Variants in MMEL1 observed in about 807,000 individuals in gnomAD.
MMEL1 encodes membrane metalloendopeptidase like 1, also known as membrane metallo-endopeptidase-like 1.
A neutral mutation model predicts 117.1 loss-of-function variants in MMEL1; 98 were observed. The observed-to-expected ratio is 0.84, with a 90% CI of 0.71 to 0.99. The LOEUF (loss-of-function observed/expected upper bound fraction) is 0.99, where lower values mean the gene tolerates loss of function less well. Among genes scored for constraint, MMEL1 ranks in the 50% least tolerant of loss-of-function variants. The pLI is 0.00. For synonymous variants in MMEL1, 390 were observed against 415.1 expected, an observed-to-expected ratio of 0.94 and a Z score of 0.74; for missense variants, 1,014 against 1,049.1, an observed-to-expected ratio of 0.97 and a Z score of 0.46.
At chr1:2,594,750 T>C (rs1488836554) in intron 17 of MMEL1, 40 bp downstream of exon 17, 5 of 1,485,052 alleles carry the variant, frequency 3.4e-6, no homozygotes, top group Middle Eastern at 1.8e-4. Flanking sequence ...GGCCACTCCC[T>C]GGCCCCCCCC....
chr1:2,593,759 G>A (rs1570647218), intron 19 of MMEL1, 55 bp downstream of exon 19: 2 of 1,515,542 alleles, frequency 1.3e-6, no homozygotes, highest in Non-Finnish European at 1.8e-6. Flanking sequence ...CCCCTTCCTG[G>A]CTGCTTCTCC....
chr1:2,614,298 G>A (rs1570695652), intron 2 of MMEL1, among the ~76,000 whole-genome samples: 2 of 152,242 alleles, frequency 1.3e-5, no homozygotes, highest in East Asian at 3.8e-4. Context: ...AGTAACTTTA[G>A]AAATGAGTAG....
chr1:2,609,615 C>T, intron 5 of MMEL1, 55 bp downstream of exon 5: 2 of 1,564,408 alleles, frequency 1.3e-6, no homozygotes, highest in Non-Finnish European at 1.7e-6. Flanking sequence ...AACTCCTGGC[C>T]CGGTGCTGTC....
chr1:2,594,582 C>T (rs1644800803), intron 17 of MMEL1, 139 bp from the exon 18 acceptor site: 4 of 1,150,286 alleles, frequency 3.5e-6, no homozygotes, highest in Non-Finnish European at 5.1e-6. Context: ...TGGTTCCTTC[C>T]TGGGGTCCCT....
In MMEL1 at chr1:2,594,371, G is replaced by T. The variant is rs772803345; in HGVS notation, c.1747+14C>A. ...CCAAAGGGCCTGGGCAGGCAGGGAG[G>T]GGGAGGAACTTACCAATCTGGTTTC... On this transcript the variant is annotated intron_variant, in intron 18 of 23. Coordinates refer to ENST00000378412, the MANE Select transcript of MMEL1 (RefSeq NM_033467.4). 3.2e-6 allele frequency: 5 copies of T among 1,551,650 alleles called. No individual in the cohort carries two copies. The highest frequency in any genetic ancestry group is 2.7e-5 in the African/African-American group (2 of 73,076).
intron 2 of MMEL1, among the ~76,000 whole-genome samples, chr1:2,626,589 A>G (rs917408336): frequency 2.5e-4 from 38 of 152,394 alleles, no homozygotes; most frequent in African/African-American, 8.9e-4. Flanking sequence ...GATTTGGCCT[A>G]TGGGCCATAG....
intron 2 of MMEL1, among the ~76,000 whole-genome samples, chr1:2,623,753 C>T (rs1294198889): frequency 6.6e-6 from 1 of 152,178 alleles, no homozygotes; most frequent in Non-Finnish European, 1.5e-5. Context: ...AGAGAGCCTC[C>T]CTTGGTGGCC....
intron 2 of MMEL1, among the ~76,000 whole-genome samples, chr1:2,628,944 C>G (rs1638401769): frequency 6.6e-6 from 1 of 150,510 alleles, no homozygotes; most frequent in South Asian, 2.1e-4. Context: ...GCCGGTGGTC[C>G]CCAGCCGGGG....
intron 2 of MMEL1, among the ~76,000 whole-genome samples, chr1:2,624,174 A>G (rs1197879976): frequency 6.6e-6 from 1 of 152,182 alleles, no homozygotes; most frequent in African/African-American, 2.4e-5. Flanking sequence ...AGCAACAGCA[A>G]CTCACCACTC....
rs376764656 is a variant in MMEL1, at chr1:2,591,923, G to A, written c.2163+9C>T. The A allele has an allele frequency of 1.3e-4, 214 of 1,612,396 alleles. No homozygotes were observed. The African/African-American group carries it at 2.0e-3, about 15-fold the overall frequency. On this transcript the variant is annotated intron_variant, in intron 22 of 23. Transcript: ENST00000378412. ...ATGGGGATGGTGGGACCAGGACTGC[G>A]GCTGCCACCTGGGCATAGTTGATGA...
chr1:2,621,572 A>ATTTTT (rs76715186), intron 2 of MMEL1, among the ~76,000 whole-genome samples: 1 of 145,850 alleles, frequency 6.9e-6, no homozygotes, highest in Non-Finnish European at 1.5e-5. Context: ...ACCAATGCAC[A>ATTTTT]TTTTTTTTTT....
chr1:2,591,695 G>A, intron 22 of MMEL1, 62 bp from the exon 23 acceptor site: 2 of 1,031,582 alleles, frequency 1.9e-6, no homozygotes, highest in Admixed American at 1.7e-5. Flanking sequence ...AGGGGTGGGG[G>A]AGGGTCTCCA....
At chr1:2,631,380 C>T (rs1370291363) in intron 1 of MMEL1, among the ~76,000 whole-genome samples, 1 of 152,052 alleles carries the variant, frequency 6.6e-6, no homozygotes, top group Non-Finnish European at 1.5e-5. Flanking sequence ...AATGTGCTTC[C>T]GCCCCCCTGT....
chr1:2,606,815 C>G (rs1266633539), intron 7 of MMEL1, among the ~76,000 whole-genome samples, 159 bp downstream of exon 7: 2 of 152,156 alleles, frequency 1.3e-5, no homozygotes, highest in Non-Finnish European at 2.9e-5. Context: ...CTCCCAGGAC[C>G]CTGAGGTTGC....
chr1:2,619,877 G>A (rs993170273), intron 2 of MMEL1, among the ~76,000 whole-genome samples: 7 of 152,070 alleles, frequency 4.6e-5, no homozygotes, highest in Admixed American at 3.3e-4. Context: ...CCAGAATGCA[G>A]GAGAAAGTCA....
At chr1:2,598,325 G>C (rs1468601586) in intron 12 of MMEL1, 25 bp from the exon 13 acceptor site, 1 of 1,607,620 alleles carries the variant, frequency 6.2e-7, no homozygotes, top group South Asian at 1.1e-5. Flanking sequence ...TAGAGGGTGA[G>C]GGGAGAACAG....
intron 11 of MMEL1, among the ~76,000 whole-genome samples, chr1:2,601,360 C>T (rs1267289860): frequency 6.6e-6 from 1 of 152,030 alleles, no homozygotes; most frequent in Non-Finnish European, 1.5e-5. Flanking sequence ...AGACCAGGGG[C>T]TCACAGGGGG....
chr1:2,616,012 T>G (rs1037925475), intron 2 of MMEL1, among the ~76,000 whole-genome samples: 1 of 151,952 alleles, frequency 6.6e-6, no homozygotes, highest in Non-Finnish European at 1.5e-5. Context: ...AAAGAGAAAT[T>G]CAGGATTAAG....
intron 13 of MMEL1, among the ~76,000 whole-genome samples, chr1:2,597,584 A>AC (rs1416519924): frequency 1.3e-5 from 2 of 151,240 alleles, no homozygotes; most frequent in Non-Finnish European, 3.0e-5. Flanking sequence ...CTCCATGCTG[A>AC]CCCCGCCCCC....
Sources: gnomAD v4.1 joint callset for allele counts (sites outside exome capture counted in the v4.1 genomes callset) on GRCh38, gnomAD v4.1.1 for gene constraint, MANE v1.5 for transcripts, NCBI Gene and HGNC (gene_info 2026-07-23, HGNC 2026-07-21) for gene names.